Variants in PTPRN2 observed in about 807,000 individuals in gnomAD.
PTPRN2 encodes protein tyrosine phosphatase receptor type N2, also known as receptor-type tyrosine-protein phosphatase N2.
Under a neutral mutation model 118.8 loss-of-function variants are expected in PTPRN2, and 74 were observed. The ratio of observed to expected loss-of-function variants is 0.62; its 90% CI spans 0.52 to 0.76. PTPRN2 has a LOEUF of 0.76. Among genes scored for constraint, PTPRN2 ranks in the 30% least tolerant of loss-of-function variants. The pLI is 0.00. For synonymous variants in PTPRN2, 641 were observed against 608.0 expected (o/e 1.05, Z -0.80); for missense variants, 1,481 against 1,394.4 (o/e 1.06, Z -0.99).
chr7:157,614,149 G>A (rs756684745), intron 15 of PTPRN2: 2 of 465,262 alleles, frequency 4.3e-6, no homozygotes, highest in South Asian at 3.1e-5. Context: ...AGACAGGGGA[G>A]GAAGGGGGAG....
rs1474653922 is a variant in PTPRN2, at chr7:157,881,361, G to A, written c.1788+17312C>T. ...CTTGTAGGAAGGAGATGCAGACACA[G>A]GTGCACACAGAGGGGTGAGGACTTG... On this transcript the variant is annotated intron_variant, in intron 12 of 22. Coordinates refer to ENST00000389418, the MANE Select transcript of PTPRN2 (RefSeq NM_002847.5). The surrounding 1 kb of genome is among the most constrained non-coding windows in gnomAD (Gnocchi z 4.7). 6.6e-6 allele frequency among the ~76,000 whole-genome samples: 1 copy of A among 152,098 alleles called. No homozygotes were observed. Among genetic ancestry groups the A allele is most frequent in the African/African-American group, 2.4e-5 (1 of 41,390 alleles).
chr7:157,975,755 C>CT (rs112294322), intron 11 of PTPRN2, among the ~76,000 whole-genome samples: 6,878 of 148,116 alleles, frequency 0.046, 504 homozygotes, highest in African/African-American at 0.16. Flanking sequence ...GTGAATTTAC[C>CT]TTTTTTTTTT....
At chr7:158,358,432 C>T (rs1486680418) in intron 2 of PTPRN2, among the ~76,000 whole-genome samples, 1 of 152,190 alleles carries the variant, frequency 6.6e-6, no homozygotes, top group Admixed American at 6.5e-5. Context: ...TCACAATATT[C>T]GGCCGACGGA....
At chr7:157,811,679 A>T (rs538472126) in intron 12 of PTPRN2, among the ~76,000 whole-genome samples, 1 of 152,238 alleles carries the variant, frequency 6.6e-6, no homozygotes, top group South Asian at 2.1e-4. Flanking sequence ...CACTCGGCTT[A>T]TGGGAGACTG....
rs139324252 is a variant in PTPRN2, at chr7:158,022,890, G to A, written c.1723+58408C>T. ...AGAAACCTCAATGATCAAGAGTAGCGTTTCCCTCCACGGTTGCCCAATTTC... is the reference window on the plus strand; with the variant it reads ...AGAAACCTCAATGATCAAGAGTAGCATTTCCCTCCACGGTTGCCCAATTTC... On this transcript the variant is annotated intron_variant, in intron 11 of 22. Transcript: ENST00000389418. This position sits in a 1 kb window ranked among gnomAD's most constrained non-coding sequence, Gnocchi z 4.6. Among the ~76,000 whole-genome samples, 274 of 152,316 alleles carry A rather than the reference G, an allele frequency of 1.8e-3. 2 individuals carry two copies. Among genetic ancestry groups the A allele is most frequent in the African/African-American group, 6.0e-3 (248 of 41,570 alleles).
In PTPRN2 at chr7:157,944,541, C is replaced by T. The variant is rs985124600; in HGVS notation, c.1724-45804G>A. ...CTTCCTGCAAGCATCCGCACTGCTGCAAATATAATAATTGTTTGAAAGCAT... is the reference window on the plus strand; with the variant it reads ...CTTCCTGCAAGCATCCGCACTGCTGTAAATATAATAATTGTTTGAAAGCAT... On this transcript the variant is annotated intron_variant, in intron 11 of 22. Coordinates refer to ENST00000389418, the MANE Select transcript of PTPRN2 (RefSeq NM_002847.5). The surrounding 1 kb of genome is among the most constrained non-coding windows in gnomAD (Gnocchi z 4.3). 1.3e-5 allele frequency among the ~76,000 whole-genome samples: 2 copies of T among 152,196 alleles called. No individual in the cohort carries two copies. Among genetic ancestry groups the T allele is most frequent in the African/African-American group, 2.4e-5 (1 of 41,434 alleles).
At chr7:157,582,440 A>G (rs1800443228) in intron 17 of PTPRN2, among the ~76,000 whole-genome samples, 1 of 152,122 alleles carries the variant, frequency 6.6e-6, no homozygotes, top group Non-Finnish European at 1.5e-5. Flanking sequence ...GCAAATCAAA[A>G]CCACAGCGCA....
chr7:157,725,507 G>A (rs945618277), intron 12 of PTPRN2, among the ~76,000 whole-genome samples: 62 of 68,500 alleles, frequency 9.1e-4, no homozygotes, highest in African/African-American at 4.8e-3. Flanking sequence ...ATATCCACAC[G>A]CAGAGGACGG....
rs570310636 is a variant in PTPRN2 at position 158,284,144 on chromosome 7, T to C, written c.277+32675A>G. On this transcript the variant is annotated intron_variant, in intron 3 of 22. Transcript: ENST00000389418. ...ACACTTGTTTGCCTGTGTGTTTTTG[T>C]GTCCAATGTGTGTCGTGCACAGGTG... 6.6e-5 allele frequency among the ~76,000 whole-genome samples: 10 copies of C among 152,374 alleles called. No individual in the cohort carries two copies. In the South Asian group the frequency reaches 2.1e-3, roughly 32 times the overall value.
chr7:157,961,238 G>A (rs949747460), intron 11 of PTPRN2, among the ~76,000 whole-genome samples: 1 of 151,824 alleles, frequency 6.6e-6, no homozygotes, highest in Admixed American at 6.6e-5. Flanking sequence ...TAGATATTAA[G>A]AATTATTATA....
chr7:157,659,905 C>T (rs1195665038), intron 13 of PTPRN2, among the ~76,000 whole-genome samples: 2 of 152,120 alleles, frequency 1.3e-5, no homozygotes, highest in African/African-American at 2.4e-5. Flanking sequence ...CCACCACGCC[C>T]GGCTAATTTT....
rs112821163 is a variant in PTPRN2, at chr7:158,522,376, A to G, written c.113-32591T>C. Among the ~76,000 whole-genome samples, 321 of 120,602 alleles carry G rather than the reference A, an allele frequency of 2.7e-3. 31 individuals carry two copies. Among genetic ancestry groups the G allele is most frequent in the African/African-American group, 9.0e-3 (276 of 30,682 alleles). 79.1% of individuals were successfully genotyped at this position (120,602 alleles called of 152,430 possible). A position where few individuals can be genotyped will look rare whatever the true frequency, so the allele number is the denominator to read the frequency against. The stretch of plus-strand genomic sequence containing the variant: ...TGGACTGTCCAGGTGCTGGCTCGGG[A>G]GGGAGGTCCACGTCACAATGGTGGA... On this transcript the variant is annotated intron_variant, in intron 1 of 22. Coordinates refer to ENST00000389418, the MANE Select transcript of PTPRN2 (RefSeq NM_002847.5).
intron 2 of PTPRN2, among the ~76,000 whole-genome samples, chr7:158,341,707 ACT>A (rs1806846338): frequency 8.5e-6 from 1 of 116,972 alleles, no homozygotes; most frequent in South Asian, 2.8e-4. Flanking sequence ...TCACACCCAC[ACT>A]CTCACCATAG....
chr7:158,051,947 T>C (rs1289264405), intron 11 of PTPRN2, among the ~76,000 whole-genome samples: 2 of 152,098 alleles, frequency 1.3e-5, no homozygotes, highest in Admixed American at 1.3e-4. Flanking sequence ...GAAAAGGTAG[T>C]GTTACTCATG....
chr7:158,074,029 C>T (rs1812152172), intron 11 of PTPRN2, among the ~76,000 whole-genome samples: 2 of 152,208 alleles, frequency 1.3e-5, no homozygotes, highest in Non-Finnish European at 2.9e-5. Flanking sequence ...TGGCCACAGC[C>T]GCCAGCCATC....
In PTPRN2 at chr7:157,779,844, G is replaced by A. The variant is rs1043582836; in HGVS notation, c.1789-96907C>T. Among the ~76,000 whole-genome samples, 2 of 152,176 alleles carry A rather than the reference G, an allele frequency of 1.3e-5. No individual in the cohort carries two copies. Among genetic ancestry groups the A allele is most frequent in the African/African-American group, 4.8e-5 (2 of 41,446 alleles). On this transcript the variant is annotated intron_variant, in intron 12 of 22. Coordinates refer to ENST00000389418, the MANE Select transcript of PTPRN2 (RefSeq NM_002847.5). The surrounding 1 kb of genome is among the most constrained non-coding windows in gnomAD (Gnocchi z 4.7). The stretch of plus-strand genomic sequence containing the variant: ...TTCATTCTCCCTGGTTGCTGAAAAT[G>A]AGCAGTGTGTGTCCTCCCAAGCAGG...
chr7:157,776,511 C>CTCTCCTTCTCCCTCTCCTCCTCCT (rs1803278853), intron 12 of PTPRN2, among the ~76,000 whole-genome samples: 3 of 65,440 alleles, frequency 4.6e-5, no homozygotes, highest in African/African-American at 1.6e-4. Flanking sequence ...CTCCTCCTCC[C>CTCTCCTTCTCCCTCTCCTCCTCCT]TCTCCTTCTC....
chr7:158,146,815 A>G (rs984408832), intron 6 of PTPRN2, among the ~76,000 whole-genome samples: 19 of 152,042 alleles, frequency 1.2e-4, no homozygotes, highest in Non-Finnish European at 1.6e-4. Flanking sequence ...CAGCACAGAC[A>G]CACTAAAATG....
At chr7:157,961,216 T>G (rs1272456066) in intron 11 of PTPRN2, among the ~76,000 whole-genome samples, 1 of 152,110 alleles carries the variant, frequency 6.6e-6, no homozygotes, top group African/African-American at 2.4e-5. Context: ...AATTTCACAA[T>G]GGCACACAAT....
Sources: gnomAD v4.1 joint callset for allele counts (sites outside exome capture counted in the v4.1 genomes callset) on GRCh38, gnomAD v4.1.1 for gene constraint, Gnocchi (gnomAD v3.1) non-coding constraint, MANE v1.5 for transcripts, NCBI Gene and HGNC (gene_info 2026-07-23, HGNC 2026-07-21) for gene names.